Variants in KAZN observed in about 807,000 individuals in gnomAD.
The protein encoded by KAZN is kazrin.
A neutral mutation model predicts 87.4 loss-of-function variants in KAZN; 40 were observed. The observed-to-expected ratio is 0.46, with a 90% CI of 0.36 to 0.60. The LOEUF (loss-of-function observed/expected upper bound fraction) is 0.60, where lower values mean the gene tolerates loss of function less well. Among genes scored for constraint, KAZN ranks in the 20% least tolerant of loss-of-function variants. KAZN has a pLI of 0.00. For missense variants in KAZN, 898 were observed against 1,073.9 expected (o/e 0.84, Z 2.29); for synonymous variants, 466 against 458.3 (o/e 1.02, Z -0.22).
Position 14,406,000 on chromosome 1 carries a change from G to A in KAZN, c.250-192983G>A, listed in dbSNP as rs113714466. On this transcript the variant is annotated intron_variant, in intron 2 of 16. Coordinates refer to the KAZN transcript ENST00000636203. Reference sequence around the variant, plus strand: ...GATGGTTAATCGGTGCACAAAATGAGAAGTAATGAATAATAAGACCTACTA... The same window carrying A: ...GATGGTTAATCGGTGCACAAAATGAAAAGTAATGAATAATAAGACCTACTA... Among the ~76,000 whole-genome samples, 202 of 152,288 alleles carry A rather than the reference G, an allele frequency of 1.3e-3. 2 individuals carry two copies. Among genetic ancestry groups the A allele is most frequent in the African/African-American group, 4.7e-3 (194 of 41,576 alleles).
intron 1 of KAZN, among the ~76,000 whole-genome samples, chr1:14,660,541 C>CTCTCTCT (rs1553205034): frequency 6.6e-5 from 5 of 76,038 alleles, no homozygotes; most frequent in African/African-American, 2.7e-4. Flanking sequence ...CTCTCTCTCT[C>CTCTCTCT]TTTTTTTTTT....
chr1:15,050,024 A>AGTAGGGTAGG (rs762329299), intron 4 of KAZN, among the ~76,000 whole-genome samples: 36 of 120,356 alleles, frequency 3.0e-4, no homozygotes, highest in Middle Eastern at 3.5e-3. Context: ...ATCAGAGTAG[A>AGTAGGGTAGG]GTAGGGTAGG....
chr1:14,350,910 C>T (rs1284613449), intron 2 of KAZN: 2 of 152,276 alleles, frequency 1.3e-5, no homozygotes, highest in Non-Finnish European at 2.9e-5. Context: ...TTTGATGTCC[C>T]CTGAGTGGCA....
chr1:14,613,907 C>T (rs1678009471), intron 1 of KAZN, among the ~76,000 whole-genome samples: 1 of 152,168 alleles, frequency 6.6e-6, no homozygotes, highest in Non-Finnish European at 1.5e-5. Context: ...GTTCTTCAAA[C>T]CCAACTCTGC....
At chr1:14,869,941 C>G (rs2690019) in intron 1 of KAZN, among the ~76,000 whole-genome samples, 42,329 of 152,108 alleles carry the variant, frequency 0.28, 6,616 homozygotes, top group East Asian at 0.56. Context: ...ACCCAACACC[C>G]ACCCCGGCAT....
intron 2 of KAZN, among the ~76,000 whole-genome samples, chr1:14,258,163 T>C (rs1650703511): frequency 6.9e-6 from 1 of 144,726 alleles, no homozygotes; most frequent in South Asian, 2.2e-4. Flanking sequence ...CCCAAAACTG[T>C]CCCAAAACTG....
intron 2 of KAZN, among the ~76,000 whole-genome samples, chr1:14,971,975 G>C (rs1665099646): frequency 6.6e-6 from 1 of 152,104 alleles, no homozygotes; most frequent in South Asian, 2.1e-4. Context: ...CAGTGGTCTC[G>C]GCTGCAGCAG....
chr1:14,940,999 C>A (rs1661011484), intron 1 of KAZN, among the ~76,000 whole-genome samples: 1 of 149,428 alleles, frequency 6.7e-6, no homozygotes, highest in African/African-American at 2.5e-5. Context: ...CACTGTAACC[C>A]CTGCCTCCCG....
At chr1:14,267,378 A>T (rs1393880708) in intron 2 of KAZN, among the ~76,000 whole-genome samples, 2 of 151,562 alleles carry the variant, frequency 1.3e-5, no homozygotes, top group East Asian at 1.9e-4. Context: ...AAAAAAAAAA[A>T]ATCACAAAAT....
intron 1 of KAZN, among the ~76,000 whole-genome samples, chr1:13,956,250 C>T (rs11589608): frequency 0.37 from 56,153 of 151,700 alleles, 10,922 homozygotes; most frequent in East Asian, 0.57. Context: ...GGAATGTCAA[C>T]CTGCAATAAT....
chr1:14,404,965 C>A (rs1017187783), intron 2 of KAZN, among the ~76,000 whole-genome samples: 13 of 152,142 alleles, frequency 8.5e-5, no homozygotes, highest in Non-Finnish European at 8.8e-5. Context: ...TGGGAGAGCT[C>A]CTCCTGGAAT....
chr1:14,479,517 T>C (rs1405196399), intron 2 of KAZN, among the ~76,000 whole-genome samples: 1 of 152,180 alleles, frequency 6.6e-6, no homozygotes, highest in Non-Finnish European at 1.5e-5. Flanking sequence ...TTCATTTTCT[T>C]CCACCTCCAC....
At chr1:14,877,433 A>T (rs775020247) in intron 1 of KAZN, among the ~76,000 whole-genome samples, 17 of 152,212 alleles carry the variant, frequency 1.1e-4, no homozygotes, top group Admixed American at 2.0e-4. Context: ...GACATGCATC[A>T]TGGGCCAATC....
At chr1:14,809,647 T>A (rs182289199) in intron 1 of KAZN, among the ~76,000 whole-genome samples, 1 of 152,228 alleles carries the variant, frequency 6.6e-6, no homozygotes, top group Non-Finnish European at 1.5e-5. Context: ...TTTGATTTTT[T>A]AAAAATTTCT....
chr1:14,901,460 GA>G (rs1440130169), intron 1 of KAZN, among the ~76,000 whole-genome samples: 3 of 152,130 alleles, frequency 2.0e-5, no homozygotes, highest in Non-Finnish European at 4.4e-5. Flanking sequence ...GAAGCCAGTG[GA>G]GGACCCCAGG....
At position 14,084,715 on chromosome 1, in the gene KAZN, AC is replaced by A. The variant is rs1304666166; in HGVS notation, c.92-95718del. 8.5e-5 allele frequency among the ~76,000 whole-genome samples: 11 copies of A among 129,788 alleles called. No homozygotes were observed. The East Asian group carries it at 1.8e-3, about 22-fold the overall frequency. The allele number at this position is 129,788 out of a possible 152,430, so 85.1% of individuals were successfully genotyped here. On this transcript the variant is annotated intron_variant, in intron 1 of 16. Transcript: ENST00000636203. ...GTCATTAAAAATGTACATGTGTGTC[AC>A]CAGGGCCTGTTGTGGGGTGGGGGGA...
intron 2 of KAZN, among the ~76,000 whole-genome samples, chr1:14,278,836 C>T (rs1296035031): frequency 1.3e-5 from 2 of 150,282 alleles, no homozygotes; most frequent in African/African-American, 2.5e-5. Flanking sequence ...TTTTTTTAGT[C>T]TGTGCATGTT....
intron 2 of KAZN, among the ~76,000 whole-genome samples, chr1:14,376,986 G>C (rs1002496000): frequency 1.3e-5 from 2 of 152,188 alleles, no homozygotes; most frequent in South Asian, 4.1e-4. Flanking sequence ...TTAATATCAA[G>C]ATCTTTCCTA....
At chr1:14,942,706 G>A (rs555351100) in intron 1 of KAZN, among the ~76,000 whole-genome samples, 50 of 152,314 alleles carry the variant, frequency 3.3e-4, no homozygotes, top group Non-Finnish European at 6.3e-4. Context: ...CCCTGGGCTT[G>A]TGCCTTGGGC....
Sources: gnomAD v4.1 joint callset for allele counts (sites outside exome capture counted in the v4.1 genomes callset) on GRCh38, gnomAD v4.1.1 for gene constraint, MANE v1.5 for transcripts, NCBI Gene and HGNC (gene_info 2026-07-23, HGNC 2026-07-21) for gene names.